The following ITSN2 variants were observed in gnomAD, a reference collection of about 807,000 sequenced individuals.
ITSN2 encodes intersectin 2, also known as intersectin-2.
In ITSN2, 156 loss-of-function variants were observed where a neutral mutation model predicts 243.7. The ratio of observed to expected loss-of-function variants is 0.64; its 90% CI spans 0.56 to 0.73. The LOEUF is 0.73. ITSN2 is among the 30% of genes least tolerant of loss of function. The probability of loss-of-function intolerance (pLI) is 0.00; values close to 1 mark genes in which losing one functional copy is unlikely to be tolerated. For missense variants in ITSN2, 1,801 were observed against 1,996.1 expected (o/e 0.90, Z 1.86); for synonymous variants, 703 against 699.9 (o/e 1.00, Z -0.07).
rs1449400313 is a variant in ITSN2 at position 24,209,936 on chromosome 2, C to A, written c.4355G>T (p.Gly1452Val). Reference protein sequence around the residue: ...YKTKSNKELHGFLFNDFLLLT... With the variant: ...YKTKSNKELHVFLFNDFLLLT... Reference sequence around the variant, plus strand: ...AAGCAGGAAGTCATTGAAGAGGAATCCGTGCAGTTCCTTGTTGCTCTTGGT... The same window carrying A: ...AAGCAGGAAGTCATTGAAGAGGAATACGTGCAGTTCCTTGTTGCTCTTGGT... The change falls in exon 35 of 40, where the codon GGA becomes GTA. Residue 1452 changes from glycine (G) to valine (V), a missense_variant. Transcript: ENST00000355123. 1 of 1,614,158 alleles carries A rather than the reference C, an allele frequency of 6.2e-7. No homozygotes were observed. The highest frequency in any genetic ancestry group is 8.5e-7 in the Non-Finnish European group (1 of 1,179,980).
chr2:24,347,281 A>G (rs976513472), intron 1 of ITSN2, among the ~76,000 whole-genome samples: 1 of 152,246 alleles, frequency 6.6e-6, no homozygotes, highest in African/African-American at 2.4e-5. Flanking sequence ...TAGAGAAAGA[A>G]GCAAAAAATT....
intron 17 of ITSN2, among the ~76,000 whole-genome samples, chr2:24,276,535 G>A (rs1219625717): frequency 6.6e-6 from 1 of 152,176 alleles, no homozygotes; most frequent in African/African-American, 2.4e-5. Flanking sequence ...AACATGCAGG[G>A]CAGAGGTAAA....
At chr2:24,291,525 C>G (rs1282238814) in intron 15 of ITSN2, among the ~76,000 whole-genome samples, 1 of 140,142 alleles carries the variant, frequency 7.1e-6, no homozygotes, top group Non-Finnish European at 1.5e-5. Context: ...GAGTCTCGCT[C>G]TGTCACCAGG....
intron 1 of ITSN2, chr2:24,334,659 G>A (rs1686152841): frequency 1.4e-6 from 2 of 1,479,768 alleles, no homozygotes; most frequent in Non-Finnish European, 1.9e-6. Context: ...GGTTATGGTG[G>A]GCAAACTAAG....
intron 17 of ITSN2, among the ~76,000 whole-genome samples, chr2:24,281,099 C>G (rs573642922): frequency 6.6e-6 from 1 of 152,192 alleles, no homozygotes; most frequent in South Asian, 2.1e-4. Context: ...TGTAACCTTG[C>G]CTCACTGCAA....
chr2:24,208,461 A>G (rs1398065676), intron 36 of ITSN2, 142 bp from the exon 37 acceptor site: 1 of 662,304 alleles, frequency 1.5e-6, no homozygotes, highest in Non-Finnish European at 2.7e-6. Flanking sequence ...ATATTAGTCA[A>G]CTGAAAGATG....
At chr2:24,347,545 G>A (rs1206530029) in intron 1 of ITSN2, among the ~76,000 whole-genome samples, 1 of 152,174 alleles carries the variant, frequency 6.6e-6, no homozygotes, top group Non-Finnish European at 1.5e-5. Context: ...AATTAGCCAT[G>A]CGTGGTGGCA....
rs1668680482 is a variant in ITSN2 at position 24,204,739 on chromosome 2, C to CACTT, written c.4763-325_4763-322dup. The CACTT allele has an allele frequency of 1.9e-6, 1 of 527,640 alleles. No homozygotes were observed. The highest frequency in any genetic ancestry group is 3.7e-6 in the Non-Finnish European group (1 of 273,818). 32.7% of individuals were successfully genotyped at this position (527,640 alleles called of 1,614,324 possible). ...ACACACTCGGGAAGGCGGGCACTGG[C>CACTT]ACTTACTGGGAAAACAGTGATAAGA... On this transcript the variant is annotated intron_variant, in intron 38 of 39. Transcript: ENST00000355123. The surrounding 1 kb of genome is among the most constrained non-coding windows in gnomAD (Gnocchi z 5.1).
chr2:24,331,918 G>A (rs1378350403), intron 1 of ITSN2, among the ~76,000 whole-genome samples: 4 of 152,174 alleles, frequency 2.6e-5, no homozygotes, highest in African/African-American at 4.8e-5. Flanking sequence ...AGACTTCATT[G>A]GGTTTTAGAG....
chr2:24,253,622 G>T (rs903336545), intron 24 of ITSN2, among the ~76,000 whole-genome samples: 11 of 152,202 alleles, frequency 7.2e-5, no homozygotes, highest in African/African-American at 2.7e-4. Flanking sequence ...GCTCATTAAA[G>T]AATTTATCAC....
chr2:24,300,171 AC>A lies in ITSN2; in HGVS notation c.1082-1del. On this transcript the variant is annotated splice_acceptor_variant, in intron 11 of 39. Transcript: ENST00000355123. LOFTEE classifies it high-confidence loss of function. ...GGCTTTCCGTTTGTCCTCAAAAGTA[AC>A]TGAACAAGGTATGCCTATCAGCATC... The A allele has an allele frequency of 6.2e-7, 1 of 1,614,098 alleles. No homozygotes were observed. Among genetic ancestry groups the A allele is most frequent in the Non-Finnish European group, 8.5e-7 (1 of 1,180,020 alleles).
chr2:24,287,323 G>T (rs1679634627), intron 15 of ITSN2, among the ~76,000 whole-genome samples: 2 of 152,026 alleles, frequency 1.3e-5, no homozygotes, highest in Admixed American at 1.3e-4. Flanking sequence ...ACTGGTATGG[G>T]TAGATGTTGG....
intron 8 of ITSN2, among the ~76,000 whole-genome samples, chr2:24,305,849 C>T (rs966593771): frequency 2.0e-5 from 3 of 152,174 alleles, no homozygotes; most frequent in African/African-American, 7.2e-5. Flanking sequence ...AATGAAGTAA[C>T]ATTAGGGATC....
intron 30 of ITSN2, among the ~76,000 whole-genome samples, chr2:24,218,854 G>A (rs528301073): frequency 6.6e-6 from 1 of 152,264 alleles, no homozygotes; most frequent in African/African-American, 2.4e-5. Context: ...GAAGTTACCT[G>A]AGACACTCTT....
At chr2:24,300,725 C>T (rs1681613815) in intron 11 of ITSN2, among the ~76,000 whole-genome samples, 1 of 151,546 alleles carries the variant, frequency 6.6e-6, no homozygotes, top group African/African-American at 2.4e-5. Context: ...AAAACTTTTT[C>T]AACTTTTTTC....
chr2:24,224,752 G>T (rs1670857367), intron 29 of ITSN2, among the ~76,000 whole-genome samples: 1 of 151,970 alleles, frequency 6.6e-6, no homozygotes, highest in South Asian at 2.1e-4. Context: ...TCCTGCCTCA[G>T]TCTCCGAGTA....
intron 1 of ITSN2, among the ~76,000 whole-genome samples, chr2:24,343,330 A>C (rs1340665550): frequency 6.6e-6 from 1 of 152,180 alleles, no homozygotes; most frequent in Non-Finnish European, 1.5e-5. Flanking sequence ...CTATTTATAC[A>C]CTAGCAAATA....
At chr2:24,228,011 G>A (rs1483685928) in intron 29 of ITSN2, among the ~76,000 whole-genome samples, 3 of 152,060 alleles carry the variant, frequency 2.0e-5, no homozygotes, top group Non-Finnish European at 4.4e-5. Flanking sequence ...ATTGAGAGAG[G>A]TAATATTGAG....
At chr2:24,291,582 C>G (rs938864272) in intron 15 of ITSN2, among the ~76,000 whole-genome samples, 5 of 151,382 alleles carry the variant, frequency 3.3e-5, no homozygotes, top group African/African-American at 1.2e-4. Flanking sequence ...CTCTGCCTCC[C>G]AGGTTCAAGT....
Sources: gnomAD v4.1 joint callset for allele counts (sites outside exome capture counted in the v4.1 genomes callset) on GRCh38, gnomAD v4.1.1 for gene constraint, Gnocchi (gnomAD v3.1) non-coding constraint, MANE v1.5 for transcripts, NCBI Gene and HGNC (gene_info 2026-07-23, HGNC 2026-07-21) for gene names.